The following IFFO1 variants were observed in gnomAD, a reference collection of about 807,000 sequenced individuals.
IFFO1 encodes intermediate filament family orphan 1.
Under a neutral mutation model 59.6 loss-of-function variants are expected in IFFO1, and 42 were observed. The ratio of observed to expected loss-of-function variants is 0.70; its 90% CI spans 0.55 to 0.91. IFFO1 has a LOEUF of 0.91. Ranked by LOEUF, IFFO1 falls within the 40% of genes least tolerant of loss-of-function variation. The pLI, the probability that IFFO1 is intolerant of heterozygous loss-of-function variation, is 0.00. For missense variants in IFFO1, 711 were observed against 793.2 expected (o/e 0.90, Z 1.24); for synonymous variants, 336 against 342.8 (o/e 0.98, Z 0.22).
In IFFO1 at chr12:6,549,209, G is replaced by A; in HGVS notation, c.1080+267C>T. 1 of 532,294 alleles carries A rather than the reference G, an allele frequency of 1.9e-6. No individual in the cohort carries two copies. The allele number at this position is 532,294 out of a possible 1,614,324, so 33.0% of individuals were successfully genotyped here. The stretch of plus-strand genomic sequence containing the variant: ...CTCAACTAAAAAAAAAAAAGCTTTA[G>A]GACGCAAGGAGGATGAGTGTGCAAT... On this transcript the variant is annotated intron_variant, in intron 5 of 9. Transcript: ENST00000619571. This position sits in a 1 kb window ranked among gnomAD's most constrained non-coding sequence, Gnocchi z 5.0.
At position 6,540,235 on chromosome 12, in the gene IFFO1, G is replaced by C; in HGVS notation, c.*248C>G. 1 of 563,934 alleles carries C rather than the reference G, an allele frequency of 1.8e-6. No individual in the cohort carries two copies. The highest frequency in any genetic ancestry group is 3.1e-6 in the Non-Finnish European group (1 of 317,468). The allele number at this position is 563,934 out of a possible 1,614,324, so 34.9% of individuals were successfully genotyped here. On this transcript the variant is annotated 3_prime_UTR_variant, in exon 10 of 10. Coordinates refer to ENST00000619571, the MANE Select transcript of IFFO1 (RefSeq NM_001193457.2). ...ATGGGGAAGTAGCAGACACCCACGC[G>C]TGAAGGCAGGAGAGCCCCAACTGTG...
chr12:6,547,409 AAAGAAAG>A (rs1947013867), intron 8 of IFFO1, among the ~76,000 whole-genome samples: 1 of 152,030 alleles, frequency 6.6e-6, no homozygotes, highest in Admixed American at 6.6e-5. Flanking sequence ...AGAAAGAAAG[AAAGAAAG>A]AAAAAGAAAC....
chr12:6,554,707 T>C (rs1403298874), intron 1 of IFFO1, among the ~76,000 whole-genome samples: 2 of 152,226 alleles, frequency 1.3e-5, no homozygotes, highest in Non-Finnish European at 2.9e-5. Flanking sequence ...TTTGTTGACC[T>C]ACTCAAGCAA....
chr12:6,538,979 A>C (rs886930060), downstream of IFFO1: 1 of 152,232 alleles, frequency 6.6e-6, no homozygotes, highest in Non-Finnish European at 1.5e-5. Context: ...GTTTTGAGGA[A>C]GATGAACTGA....
At chr12:6,543,766 G>A (rs1946825096) in intron 8 of IFFO1, 1 of 152,176 alleles carries the variant, frequency 6.6e-6, no homozygotes, top group Non-Finnish European at 1.5e-5. Flanking sequence ...GGGAGTTCGA[G>A]ACCAGCTTGA....
rs777920330 is a variant in IFFO1 at position 6,555,646 on chromosome 12, G to T, written c.384C>A (p.Thr128=). Residue 128 remains threonine, a synonymous_variant, in exon 1 of 10, where the codon ACC becomes ACA. Transcript: ENST00000619571. This position sits in a 1 kb window ranked among gnomAD's most constrained non-coding sequence, Gnocchi z 8.6. ...GLGRRDQAVQ[T]GFVSPIRPLG... The stretch of plus-strand genomic sequence containing the variant: ...GGGGCCGGATGGGGCTGACGAAGCC[G>T]GTCTGCACTGCCTGGTCGCGACGAC... 6.3e-7 allele frequency: 1 copy of T among 1,584,910 alleles called. No homozygotes were observed. Among genetic ancestry groups the T allele is most frequent in the African/African-American group, 1.4e-5 (1 of 72,532 alleles).
At chr12:6,539,498 T>C (rs1365523526), downstream of IFFO1, 3 of 151,580 alleles carry the variant, frequency 2.0e-5, no homozygotes, top group Non-Finnish European at 4.4e-5. Flanking sequence ...TAGTGAATAT[T>C]AGGAAGTGCT....
intron 1 of IFFO1, 52 bp from the exon 2 acceptor site, chr12:6,551,053 C>CCCCACGGCTCCCTGT (rs1565574783): frequency 1.3e-6 from 2 of 1,568,532 alleles, no homozygotes; most frequent in Non-Finnish European, 8.8e-7. Flanking sequence ...TCCTTCCCTG[C>CCCCACGGCTCCCTGT]CCCCATGGCT....
Position 6,541,048 on chromosome 12 carries a change from A to T in IFFO1, c.1611-460T>A, listed in dbSNP as rs1946689405. ...AAAAAAAAAAAAAAAGAAATAGCTG[A>T]AGTCACAGTAGGAGAGAAGCTGCTG... On this transcript the variant is annotated intron_variant, in intron 9 of 9. Transcript: ENST00000619571. This position sits in a 1 kb window ranked among gnomAD's most constrained non-coding sequence, Gnocchi z 4.8. Among the ~76,000 whole-genome samples, 1 of 149,738 alleles carries T rather than the reference A, an allele frequency of 6.7e-6. No homozygotes were observed. The highest frequency in any genetic ancestry group is 1.5e-5 in the Non-Finnish European group (1 of 67,702).
chr12:6,543,071 CAG>C (rs757834659), intron 8 of IFFO1, among the ~76,000 whole-genome samples: 7 of 152,154 alleles, frequency 4.6e-5, no homozygotes, highest in Non-Finnish European at 8.8e-5. Flanking sequence ...GCTGTGTGAA[CAG>C]ACTTGGGGGT....
intron 1 of IFFO1, among the ~76,000 whole-genome samples, chr12:6,554,663 C>T (rs149003764): frequency 2.0e-5 from 3 of 152,326 alleles, no homozygotes; most frequent in Non-Finnish European, 4.4e-5. Context: ...CCACCCTCAC[C>T]CTAGTGAATT....
At position 6,549,390 on chromosome 12, in the gene IFFO1, G is replaced by C. The variant is rs1259333425; in HGVS notation, c.1080+86C>G. 18 of 1,432,978 alleles carry C rather than the reference G, an allele frequency of 1.3e-5. No individual in the cohort carries two copies. Among genetic ancestry groups the C allele is most frequent in the Non-Finnish European group, 1.7e-5 (17 of 1,022,624 alleles). 88.8% of individuals were successfully genotyped at this position (1,432,978 alleles called of 1,614,324 possible). ...AAAAAAATCCGTGCTCAAGAGCCCA[G>C]CGGGCCCAAACTGAGGGCCAGGAGG... On this transcript the variant is annotated intron_variant, in intron 5 of 9. Coordinates refer to ENST00000619571, the MANE Select transcript of IFFO1 (RefSeq NM_001193457.2). The surrounding 1 kb of genome is among the most constrained non-coding windows in gnomAD (Gnocchi z 5.0).
rs78739674 is a variant in IFFO1, at chr12:6,542,693, C to T, written c.1480-1051G>A. 7.9e-5 allele frequency among the ~76,000 whole-genome samples: 12 copies of T among 152,286 alleles called. No individual in the cohort carries two copies. The East Asian group carries it at 2.3e-3, about 29-fold the overall frequency. ...GCCCTAGTGGGGACAGCTTCCCTGGCAGGCTTGGATCCACAGCTGGGGCCC... is the reference window on the plus strand; with the variant it reads ...GCCCTAGTGGGGACAGCTTCCCTGGTAGGCTTGGATCCACAGCTGGGGCCC... On this transcript the variant is annotated intron_variant, in intron 8 of 9. Coordinates refer to ENST00000619571, the MANE Select transcript of IFFO1 (RefSeq NM_001193457.2).
At position 6,540,486 on chromosome 12, in the gene IFFO1, T is replaced by C. The variant is rs375862967; in HGVS notation, c.1713A>G (p.Arg571=). ...DRDVSSDSSM[R] ...GGTGCAAGGGGGAGGCAGGTCTCTATCTCATGGAGCTGTCAGATGAGACAT... is the reference window on the plus strand; with the variant it reads ...GGTGCAAGGGGGAGGCAGGTCTCTACCTCATGGAGCTGTCAGATGAGACAT... Residue 571 remains arginine, a synonymous_variant, in exon 10 of 10, where the codon AGA becomes AGG. Transcript: ENST00000619571. 6.8e-6 allele frequency: 11 copies of C among 1,613,324 alleles called. No individual in the cohort carries two copies. Among genetic ancestry groups the C allele is most frequent in the Middle Eastern group, 1.6e-4 (1 of 6,082 alleles).
chr12:6,549,949 G>A lies in IFFO1; in HGVS notation c.931-53C>T. 6.4e-7 allele frequency: 1 copy of A among 1,571,880 alleles called. No individual in the cohort carries two copies. Among genetic ancestry groups the A allele is most frequent in the Non-Finnish European group, 8.7e-7 (1 of 1,155,020 alleles). On this transcript the variant is annotated intron_variant, in intron 3 of 9. Transcript: ENST00000619571. This position sits in a 1 kb window ranked among gnomAD's most constrained non-coding sequence, Gnocchi z 5.0. Reference sequence around the variant, plus strand: ...GGAGGCGCCCAGTTCTCCAGACAAGGACGAATTAGGCCTGGCAAGGTCCTC... The same window carrying A: ...GGAGGCGCCCAGTTCTCCAGACAAGAACGAATTAGGCCTGGCAAGGTCCTC...
chr12:6,542,251 G>T (rs987448509), intron 8 of IFFO1, among the ~76,000 whole-genome samples: 2 of 152,202 alleles, frequency 1.3e-5, no homozygotes, highest in African/African-American at 2.4e-5. Flanking sequence ...CATATTGGAG[G>T]TGCCATTGAT....
chr12:6,548,473 C>T lies in IFFO1; in HGVS notation c.1335G>A (p.Trp445Ter). The stretch of plus-strand genomic sequence containing the variant: ...CCATGGCATAGCCTGAGAAATCCTC[C>T]CAAAGCAGCAGGGTCTCCTCAGTCT... ...WEETEETLLL[W>*]EDFSGYAMAA... The change falls in exon 7 of 10, where the codon TGG (tryptophan) becomes TGA (stop). Residue 445 changes from tryptophan (W) to a stop codon, truncating the protein, a stop_gained. Coordinates refer to ENST00000619571, the MANE Select transcript of IFFO1 (RefSeq NM_001193457.2). LOFTEE classifies it high-confidence loss of function. This position sits in a 1 kb window ranked among gnomAD's most constrained non-coding sequence, Gnocchi z 6.1. The T allele has an allele frequency of 1.2e-6, 2 of 1,613,942 alleles. No homozygotes were observed. The highest frequency in any genetic ancestry group is 2.2e-5 in the South Asian group (2 of 91,074).
Position 6,540,593 on chromosome 12 carries a change from A to T in IFFO1, c.1611-5T>A. On this transcript the variant is annotated splice_region_variant and splice_polypyrimidine_tract_variant and intron_variant, in intron 9 of 9. Transcript: ENST00000619571. The stretch of plus-strand genomic sequence containing the variant: ...GCAGTGAAAGCAGGAGACTTTCTAG[A>T]AAAAAACACCAGTTGTCAACCTTGG... The T allele has an allele frequency of 6.2e-7, 1 of 1,612,244 alleles. No individual in the cohort carries two copies. Among genetic ancestry groups the T allele is most frequent in the Non-Finnish European group, 8.5e-7 (1 of 1,178,916 alleles).
intron 8 of IFFO1, among the ~76,000 whole-genome samples, chr12:6,543,327 C>A (rs974324951): frequency 6.6e-6 from 1 of 152,124 alleles, no homozygotes; most frequent in African/African-American, 2.4e-5. Flanking sequence ...GGAACCAGGC[C>A]AAATAGCAGG....
Sources: gnomAD v4.1 joint callset for allele counts (sites outside exome capture counted in the v4.1 genomes callset) on GRCh38, gnomAD v4.1.1 for gene constraint, Gnocchi (gnomAD v3.1) non-coding constraint, MANE v1.5 for transcripts, NCBI Gene and HGNC (gene_info 2026-07-23, HGNC 2026-07-21) for gene names.